LRP1B: variants seen among roughly 807,000 people sequenced by gnomAD.
The protein encoded by LRP1B is low-density lipoprotein receptor-related protein 1B.
In LRP1B, 217 loss-of-function variants were observed where a neutral mutation model predicts 556.6. That is an observed-to-expected ratio of 0.39 (90% CI 0.35 to 0.44). LRP1B has a LOEUF of 0.44. LRP1B is among the 20% of genes least tolerant of loss of function. LRP1B has a pLI of 1.00. For missense variants in LRP1B, 5,053 were observed against 5,620.8 expected (o/e 0.90, Z 3.23); for synonymous variants, 2,047 against 1,865.8 (o/e 1.10, Z -2.50).
intron 83 of LRP1B, among the ~76,000 whole-genome samples, chr2:140,305,512 G>A (rs1684028298): frequency 6.6e-6 from 1 of 152,156 alleles, no homozygotes; most frequent in Non-Finnish European, 1.5e-5. Context: ...TGTATCCTGA[G>A]ACTTTGCTGA....
At position 140,536,725 on chromosome 2, in the gene LRP1B, A is replaced by T. The variant is rs1679915854; in HGVS notation, c.7514-16T>A. 6.3e-7 allele frequency: 1 copy of T among 1,580,188 alleles called. No homozygotes were observed. On this transcript the variant is annotated splice_polypyrimidine_tract_variant and intron_variant, in intron 45 of 90. Coordinates refer to ENST00000389484, the MANE Select transcript of LRP1B (RefSeq NM_018557.3). ...GAATTTTTAGCTGCAAGAAAAAAAA[A>T]AAAAGTCAATACTTTTGTGCAATGG... is the stretch of plus-strand genomic sequence containing the variant.
chr2:141,466,929 G>A (rs1221872633), intron 3 of LRP1B, among the ~76,000 whole-genome samples: 2 of 135,046 alleles, frequency 1.5e-5, no homozygotes, highest in African/African-American at 2.7e-5. Context: ...TATGGCATAA[G>A]TGAAAAGGAA....
chr2:141,039,676 A>G (rs1161764202), intron 11 of LRP1B, among the ~76,000 whole-genome samples: 3 of 152,044 alleles, frequency 2.0e-5, no homozygotes, highest in Non-Finnish European at 4.4e-5. Context: ...ATGCATATGT[A>G]CACATGCTTA....
chr2:141,181,797 T>C (rs1480808021), intron 7 of LRP1B, among the ~76,000 whole-genome samples: 1 of 151,968 alleles, frequency 6.6e-6, no homozygotes, highest in Non-Finnish European at 1.5e-5. Context: ...AGTAATACTA[T>C]GCATGAACTG....
At chr2:142,104,841 A>G (rs931476986) in intron 1 of LRP1B, among the ~76,000 whole-genome samples, 4 of 152,162 alleles carry the variant, frequency 2.6e-5, no homozygotes, top group Non-Finnish European at 5.9e-5. Flanking sequence ...GAAGAGCTTC[A>G]TATTGTCTTT....
chr2:140,245,096 T>C (rs954524094), intron 87 of LRP1B, among the ~76,000 whole-genome samples: 2 of 151,384 alleles, frequency 1.3e-5, no homozygotes, highest in Admixed American at 6.6e-5. Flanking sequence ...ATTTGACATA[T>C]ATGTAGCTAA....
At chr2:141,685,001 C>T (rs564317350) in intron 2 of LRP1B, among the ~76,000 whole-genome samples, 30 of 152,164 alleles carry the variant, frequency 2.0e-4, no homozygotes, top group Non-Finnish European at 1.0e-4. Context: ...GCGAGAGCCA[C>T]GCAGGATTAT....
intron 35 of LRP1B, among the ~76,000 whole-genome samples, chr2:140,738,077 C>A (rs2105515308): frequency 6.6e-6 from 1 of 152,250 alleles, no homozygotes; most frequent in South Asian, 2.1e-4. Context: ...GGAGCTCCTT[C>A]TTACCAAAGA....
At chr2:140,494,511 G>A (rs1201661389) in intron 56 of LRP1B, among the ~76,000 whole-genome samples, 5 of 151,448 alleles carry the variant, frequency 3.3e-5, no homozygotes, top group South Asian at 2.1e-4. Flanking sequence ...AGGCTGAGGC[G>A]GGAGAATGGT....
At chr2:141,471,823 A>G (rs906408218) in intron 3 of LRP1B, among the ~76,000 whole-genome samples, 6 of 152,182 alleles carry the variant, frequency 3.9e-5, no homozygotes, top group African/African-American at 1.4e-4. Context: ...CTGTATTTCT[A>G]TTGGCACATT....
chr2:141,002,077 G>A (rs886225670), intron 15 of LRP1B, among the ~76,000 whole-genome samples: 5 of 151,962 alleles, frequency 3.3e-5, no homozygotes, highest in Admixed American at 2.6e-4. Flanking sequence ...TTTCATTTCT[G>A]ATGATAAACA....
At chr2:140,419,101 A>G (rs1479699957) in intron 66 of LRP1B, among the ~76,000 whole-genome samples, 1 of 152,228 alleles carries the variant, frequency 6.6e-6, no homozygotes, top group Admixed American at 6.5e-5. Flanking sequence ...AATATGGGAC[A>G]AAAACACAAA....
At chr2:140,304,047 T>G (rs1683957730) in intron 83 of LRP1B, among the ~76,000 whole-genome samples, 1 of 152,208 alleles carries the variant, frequency 6.6e-6, no homozygotes, top group African/African-American at 2.4e-5. Context: ...ATTTTCTTAA[T>G]CCAGTCTATC....
At chr2:141,175,041 G>A (rs576629112) in intron 7 of LRP1B, among the ~76,000 whole-genome samples, 1 of 152,098 alleles carries the variant, frequency 6.6e-6, no homozygotes, top group African/African-American at 2.4e-5. Flanking sequence ...AAACTTGAGG[G>A]AGATGATTTA....
At chr2:141,437,468 A>C (rs188654666) in intron 3 of LRP1B, among the ~76,000 whole-genome samples, 24 of 152,212 alleles carry the variant, frequency 1.6e-4, no homozygotes, top group Admixed American at 1.4e-3. Context: ...TAAGAACCGT[A>C]TGTAAAGAAA....
intron 7 of LRP1B, among the ~76,000 whole-genome samples, chr2:141,116,315 A>T (rs1381294323): frequency 6.6e-6 from 1 of 152,190 alleles, no homozygotes; most frequent in African/African-American, 2.4e-5. Context: ...TAAAATTTGT[A>T]ACTGTATGTT....
intron 2 of LRP1B, among the ~76,000 whole-genome samples, chr2:141,602,649 G>A (rs1559169810): frequency 1.3e-5 from 2 of 152,022 alleles, no homozygotes; most frequent in African/African-American, 4.8e-5. Flanking sequence ...AATCCTTTGG[G>A]CTCTGTACCT....
At chr2:141,639,404 ATGTGTATATATATATATATT>A (rs1689244051) in intron 2 of LRP1B, among the ~76,000 whole-genome samples, 1 of 46,738 alleles carries the variant, frequency 2.1e-5, no homozygotes. Context: ...ATATATATAT[ATGTGTATATATATATATATT>A]TTTTTTTGAG....
intron 37 of LRP1B, among the ~76,000 whole-genome samples, chr2:140,703,124 C>T (rs965558158): frequency 1.3e-5 from 2 of 152,166 alleles, no homozygotes; most frequent in Non-Finnish European, 1.5e-5. Flanking sequence ...GACATGAATG[C>T]ATCATAACTT....
Sources: gnomAD v4.1 joint callset for allele counts (sites outside exome capture counted in the v4.1 genomes callset) on GRCh38, gnomAD v4.1.1 for gene constraint, MANE v1.5 for transcripts, NCBI Gene and HGNC (gene_info 2026-07-23, HGNC 2026-07-21) for gene names.